HMG20A: variants seen among roughly 807,000 people sequenced by gnomAD.
The protein encoded by HMG20A is high mobility group 20A.
Under a neutral mutation model 43.9 loss-of-function variants are expected in HMG20A, and 17 were observed. That is an observed-to-expected ratio of 0.39 (90% CI 0.27 to 0.58). The LOEUF (loss-of-function observed/expected upper bound fraction) is 0.58, where lower values mean the gene tolerates loss of function less well. Among genes scored for constraint, HMG20A ranks in the 20% least tolerant of loss-of-function variants. The pLI is 0.59. For missense variants in HMG20A, 341 were observed against 438.2 expected (o/e 0.78, Z 1.98); for synonymous variants, 132 against 147.5 (o/e 0.89, Z 0.76).
chr15:77,509,759 T>C, the HMG20A span, among the ~76,000 whole-genome samples: 9 of 151,558 alleles, frequency 5.9e-5, no homozygotes, highest in Non-Finnish European at 1.3e-4. Context: ...TACAGAAAAT[T>C]AGCCAGGCAT....
rs975623971 is a variant in HMG20A at position 77,435,345 on chromosome 15, G to A, written c.-5+14341G>A. ...GTCACCCAGGCTGGAGTGCTGTGGC[G>A]CGATCTTGGCTCACTGCAGCCTCCG... is the stretch of plus-strand genomic sequence containing the variant. On this transcript the variant is annotated intron_variant, in intron 1 of 9. Transcript: ENST00000336216. Among the ~76,000 whole-genome samples, 4 of 152,206 alleles carry A rather than the reference G, an allele frequency of 2.6e-5. No homozygotes were observed. The South Asian group carries it at 6.2e-4, about 24-fold the overall frequency.
At position 77,458,406 on chromosome 15, in the gene HMG20A, A is replaced by G; in HGVS notation, c.-2A>G. 6.2e-7 allele frequency: 1 copy of G among 1,607,240 alleles called. No homozygotes were observed. Among genetic ancestry groups the G allele is most frequent in the Non-Finnish European group, 8.5e-7 (1 of 1,174,436 alleles). On this transcript the variant is annotated splice_region_variant and 5_prime_UTR_variant, in exon 2 of 10. Coordinates refer to ENST00000336216, the MANE Select transcript of HMG20A (RefSeq NM_001304504.2). Reference sequence around the variant, plus strand: ...TTTTTATTCTCTTTTCCTTTCAGAGAGATGGAAAACTTGATGACTAGCTCC... The same window carrying G: ...TTTTTATTCTCTTTTCCTTTCAGAGGGATGGAAAACTTGATGACTAGCTCC...
intron 9 of HMG20A, among the ~76,000 whole-genome samples, chr15:77,480,226 A>G (rs753028452): frequency 1.3e-5 from 2 of 152,272 alleles, no homozygotes; most frequent in Non-Finnish European, 2.9e-5. Context: ...TAGAAGGTCA[A>G]GGCGAGGCTG....
chr15:77,481,808 A>G (rs991246599), intron 9 of HMG20A, among the ~76,000 whole-genome samples: 6 of 152,208 alleles, frequency 3.9e-5, no homozygotes, highest in Non-Finnish European at 7.3e-5. Context: ...AAAGGAAACA[A>G]TTACAAAGAC....
chr15:77,421,104 A>T, intron 1 of HMG20A, 100 bp downstream of exon 1: 2 of 231,302 alleles, frequency 8.6e-6, no homozygotes, highest in Non-Finnish European at 8.3e-6. Context: ...GGTTTGTCTC[A>T]GTTGGAGGCC....
intron 3 of HMG20A, among the ~76,000 whole-genome samples, chr15:77,465,293 A>G (rs1413642982): frequency 6.6e-6 from 1 of 150,650 alleles, no homozygotes; most frequent in Non-Finnish European, 1.5e-5. Context: ...AAAGAAAGAA[A>G]AAAACAACTA....
At chr15:77,474,194 T>C (rs1176732775) in intron 6 of HMG20A, among the ~76,000 whole-genome samples, 1 of 152,168 alleles carries the variant, frequency 6.6e-6, no homozygotes, top group Non-Finnish European at 1.5e-5. Flanking sequence ...TGTGGGCATC[T>C]CAGGGTGGGT....
At chr15:77,453,931 G>T (rs1236781509) in intron 1 of HMG20A, among the ~76,000 whole-genome samples, 1 of 151,668 alleles carries the variant, frequency 6.6e-6, no homozygotes, top group African/African-American at 2.4e-5. Flanking sequence ...AACAGTTCGG[G>T]AGACTGAGGC....
intron 4 of HMG20A, among the ~76,000 whole-genome samples, chr15:77,469,400 A>G (rs769638765): frequency 9.2e-5 from 14 of 151,716 alleles, no homozygotes; most frequent in Non-Finnish European, 2.1e-4. Context: ...CAGCATTCTA[A>G]TCTAAGCAAG....
the HMG20A span, among the ~76,000 whole-genome samples, chr15:77,491,535 GT>G: frequency 2.6e-5 from 4 of 152,118 alleles, no homozygotes; most frequent in Non-Finnish European, 5.9e-5. Flanking sequence ...CTCACTATGT[GT>G]TTTGGGTGTA....
intron 1 of HMG20A, among the ~76,000 whole-genome samples, chr15:77,453,005 A>G (rs2072618624): frequency 1.3e-5 from 2 of 152,212 alleles, no homozygotes; most frequent in South Asian, 4.1e-4. Context: ...GGTGGGTGGC[A>G]CCTCTTGAGG....
At position 77,478,586 on chromosome 15, in the gene HMG20A, T is replaced by C. The variant is rs969208230; in HGVS notation, c.907+76T>C. The C allele has an allele frequency of 3.5e-6, 4 of 1,132,998 alleles. No individual in the cohort carries two copies. The East Asian group carries it at 9.8e-5, about 28-fold the overall frequency. 70.2% of individuals were successfully genotyped at this position (1,132,998 alleles called of 1,614,324 possible). ...TGGAGTGGGGTGCTGTTTATGTTAG[T>C]ACTGGTGTGGAGAGATTGAAATCTC... is the stretch of plus-strand genomic sequence containing the variant. On this transcript the variant is annotated intron_variant, in intron 8 of 9. Coordinates refer to ENST00000336216, the MANE Select transcript of HMG20A (RefSeq NM_001304504.2).
chr15:77,499,126 C>CAT, the HMG20A span, among the ~76,000 whole-genome samples: 1 of 152,208 alleles, frequency 6.6e-6, no homozygotes, highest in Admixed American at 6.5e-5. Flanking sequence ...TATTCTAATA[C>CAT]ATTCTACCAT....
At chr15:77,509,926 C>T in the HMG20A span, among the ~76,000 whole-genome samples, 7 of 151,434 alleles carry the variant, frequency 4.6e-5, no homozygotes, top group South Asian at 2.1e-4. Flanking sequence ...AAAAACTACC[C>T]AAATTATATA....
the HMG20A span, among the ~76,000 whole-genome samples, chr15:77,497,988 G>T: frequency 6.6e-6 from 1 of 152,046 alleles, no homozygotes; most frequent in Admixed American, 6.6e-5. Context: ...ACAAGCTGGA[G>T]CTGTAAGTGG....
intron 2 of HMG20A, among the ~76,000 whole-genome samples, chr15:77,461,213 T>C (rs990482883): frequency 2.6e-5 from 4 of 152,100 alleles, no homozygotes; most frequent in African/African-American, 7.2e-5. Context: ...ATGGGTGTCA[T>C]TGGTGGCTTT....
At chr15:77,439,832 A>G (rs1010327762) in intron 1 of HMG20A, among the ~76,000 whole-genome samples, 28 of 152,168 alleles carry the variant, frequency 1.8e-4, no homozygotes, top group African/African-American at 6.5e-4. Context: ...GTCCCCATTT[A>G]GATTCCCAGT....
the HMG20A span, among the ~76,000 whole-genome samples, chr15:77,497,450 G>A: frequency 6.6e-6 from 1 of 152,366 alleles, no homozygotes; most frequent in East Asian, 1.9e-4. Context: ...TTCCAGCCGA[G>A]TGGAAGCTGC....
At chr15:77,423,698 A>G (rs1219047278) in intron 1 of HMG20A, among the ~76,000 whole-genome samples, 2 of 152,222 alleles carry the variant, frequency 1.3e-5, no homozygotes, top group South Asian at 2.1e-4. Flanking sequence ...GATGTTATAC[A>G]TAATACAGAA....
Sources: allele counts gnomAD v4.1 joint callset (sites outside exome capture counted in the v4.1 genomes callset), GRCh38; gene constraint gnomAD v4.1.1; transcripts MANE v1.5; gene names NCBI Gene and HGNC (gene_info 2026-07-23, HGNC 2026-07-21).